The following XRN2 variants were observed in gnomAD, a reference collection of about 807,000 sequenced individuals.
The protein encoded by XRN2 is DHM1-like protein.
In XRN2, 44 loss-of-function variants were observed where a neutral mutation model predicts 138.5. The ratio of observed to expected loss-of-function variants is 0.32; its 90% CI spans 0.25 to 0.41. The LOEUF (loss-of-function observed/expected upper bound fraction) is 0.41. Among genes scored for constraint, XRN2 ranks in the 10% least tolerant of loss-of-function variants. The pLI is 1.00. For missense variants in XRN2, 937 were observed against 1,169.3 expected (o/e 0.80, Z 2.90); for synonymous variants, 354 against 369.4 (o/e 0.96, Z 0.48).
chr20:21,368,628 T>G, intron 27 of XRN2, 38 bp downstream of exon 27: 1 of 1,607,396 alleles, frequency 6.2e-7, no homozygotes, highest in Non-Finnish European at 8.5e-7. Flanking sequence ...CATTATAAAT[T>G]AAATATCACA....
intron 29 of XRN2, among the ~76,000 whole-genome samples, chr20:21,387,624 C>T (rs2038949540): frequency 6.6e-6 from 1 of 152,206 alleles, no homozygotes; most frequent in Admixed American, 6.5e-5. Context: ...GCATTTAAGA[C>T]TGAGGTCTAT....
At chr20:21,350,584 T>TGTTTCACA (rs1364048818) in intron 20 of XRN2, among the ~76,000 whole-genome samples, 2 of 151,118 alleles carry the variant, frequency 1.3e-5, no homozygotes, top group Non-Finnish European at 3.0e-5. Flanking sequence ...AACCAGCTGT[T>TGTTTCACA]GTTTCACACT....
intron 14 of XRN2, 138 bp from the exon 15 acceptor site, chr20:21,340,583 C>T (rs372564722): frequency 3.6e-5 from 31 of 849,912 alleles, no homozygotes; most frequent in East Asian, 2.1e-4. Context: ...GTAATATTAA[C>T]GAAGATCATT....
rs13039420 is a variant in XRN2, at chr20:21,361,284, G to A, written c.2255+3492G>A. 5.2e-3 allele frequency among the ~76,000 whole-genome samples: 785 copies of A among 152,162 alleles called. 6 individuals carry two copies. Among genetic ancestry groups the A allele is most frequent in the Non-Finnish European group, 9.4e-3 (639 of 68,012 alleles). On this transcript the variant is annotated intron_variant, in intron 24 of 29. Transcript: ENST00000377191. ...TTAAATTTTTATTTACTTTGCCCTT[G>A]ATGTGTTTATGAAGACAATCAAGCA... is the stretch of plus-strand genomic sequence containing the variant.
At position 21,348,415 on chromosome 20, in the gene XRN2, G is replaced by C. The variant is rs1330804260; in HGVS notation, c.1848G>C (p.Lys616Asn). 1.9e-6 allele frequency: 3 copies of C among 1,613,924 alleles called. No homozygotes were observed. The highest frequency in any genetic ancestry group is 1.3e-5 in the African/African-American group (1 of 74,910). ...ATTTTCTACCTCCATCATGGCGGAA[G>C]CTCATGAGTGATCCTGTGAGTCTCA... is the stretch of plus-strand genomic sequence containing the variant. Reference protein sequence around the residue: ...SGNFLPPSWRKLMSDPDSSII... With the variant: ...SGNFLPPSWRNLMSDPDSSII... The change falls in exon 19 of 30, where the codon AAG (lysine) becomes AAC (asparagine). Residue 616 changes from lysine (K) to asparagine (N), a missense_variant. Around this residue, in one of 6 missense-constraint regions of XRN2, gnomAD observed 372 missense variants for 414.4 expected, o/e 0.90. Transcript: ENST00000377191.
At chr20:21,343,044 A>G (rs2038391855) in intron 15 of XRN2, among the ~76,000 whole-genome samples, 1 of 152,096 alleles carries the variant, frequency 6.6e-6, no homozygotes, top group African/African-American at 2.4e-5. Context: ...TATTATTTTA[A>G]CTTTTCTTGA....
intron 28 of XRN2, 142 bp from the exon 29 acceptor site, chr20:21,386,726 G>T: frequency 1.0e-6 from 1 of 975,790 alleles, no homozygotes. Flanking sequence ...GGACACAAAG[G>T]CCATTCTGAT....
intron 1 of XRN2, among the ~76,000 whole-genome samples, chr20:21,315,524 C>G (rs1278830948): frequency 1.3e-5 from 2 of 152,132 alleles, no homozygotes; most frequent in Non-Finnish European, 2.9e-5. Flanking sequence ...CAGGGTTTCA[C>G]TCTTGTTACC....
intron 1 of XRN2, 91 bp from the exon 2 acceptor site, chr20:21,326,188 C>G: frequency 7.7e-7 from 1 of 1,306,622 alleles, no homozygotes; most frequent in South Asian, 1.5e-5. Flanking sequence ...ATTTCCAGTT[C>G]AGAAATGAAA....
Position 21,305,986 on chromosome 20 carries a change from C to G in XRN2, c.75+2513C>G, listed in dbSNP as rs903719671. Among the ~76,000 whole-genome samples the G allele has an allele frequency of 5.5e-5, 4 of 72,350 alleles. 2 individuals are homozygous for G. The Admixed American group carries it at 6.7e-4, about 12-fold the overall frequency. 47.5% of individuals were successfully genotyped at this position (72,350 alleles called of 152,430 possible). On this transcript the variant is annotated intron_variant, in intron 1 of 29. Transcript: ENST00000377191. Reference sequence around the variant, plus strand: ...AGGATGGTCTCGATCTCCTGACCTTCTGATCCGCCTGCCTTGGCCTCCTTA... The same window carrying G: ...AGGATGGTCTCGATCTCCTGACCTTGTGATCCGCCTGCCTTGGCCTCCTTA...
intron 28 of XRN2, among the ~76,000 whole-genome samples, chr20:21,385,641 A>G (rs980971924): frequency 3.3e-5 from 5 of 152,070 alleles, no homozygotes; most frequent in African/African-American, 1.2e-4. Flanking sequence ...TCATCACACA[A>G]AAATAATTAT....
Position 21,332,429 on chromosome 20 carries a change from A to G in XRN2, c.847A>G (p.Lys283Glu). 5 of 1,608,288 alleles carry G rather than the reference A, an allele frequency of 3.1e-6. No homozygotes were observed. ...AGATTGTGAAGGTTTGCCAAGAGAA[A>G]AGAAGGGAAAGGTAAGAACTTTGAG... The part of the protein sequence containing the change: ...VKDCEGLPRE[K>E]KGKHDELADS... Residue 283 changes from lysine to glutamate, a missense_variant, in exon 9 of 30, where the codon AAG becomes GAG. Lys to Glu is a moderately conservative substitution (Grantham distance 56, BLOSUM62 1). Around this residue, in one of 6 missense-constraint regions of XRN2, gnomAD observed 471 missense variants for 581.2 expected, o/e 0.81. Coordinates refer to ENST00000377191, the MANE Select transcript of XRN2 (RefSeq NM_012255.5).
At position 21,348,331 on chromosome 20, in the gene XRN2, C is replaced by CT. The variant is rs1568584235; in HGVS notation, c.1774-4dup. 1 of 1,611,330 alleles carries CT rather than the reference C, an allele frequency of 6.2e-7. No homozygotes were observed. The highest frequency in any genetic ancestry group is 1.1e-5 in the South Asian group (1 of 90,624). On this transcript the variant is annotated splice_polypyrimidine_tract_variant and intron_variant, in intron 18 of 29. Coordinates refer to ENST00000377191, the MANE Select transcript of XRN2 (RefSeq NM_012255.5). Reference sequence around the variant, plus strand: ...TAATCTTGGGTCTTTAATGTTTTTTCTTTTTTCAGTTTAAACCACTAGAAC... The same window carrying CT: ...TAATCTTGGGTCTTTAATGTTTTTTCTTTTTTTCAGTTTAAACCACTAGAAC...
intron 20 of XRN2, among the ~76,000 whole-genome samples, chr20:21,351,668 A>G (rs2038511799): frequency 1.3e-5 from 2 of 152,178 alleles, no homozygotes; most frequent in South Asian, 4.1e-4. Context: ...ACCAAATCCG[A>G]CATCATGAAT....
intron 1 of XRN2, among the ~76,000 whole-genome samples, chr20:21,325,961 C>G (rs1291363488): frequency 6.6e-6 from 1 of 152,100 alleles, no homozygotes; most frequent in Non-Finnish European, 1.5e-5. Flanking sequence ...TTTGACAGGA[C>G]TTACTGATGT....
intron 7 of XRN2, 32 bp from the exon 8 acceptor site, chr20:21,331,736 T>A: frequency 6.3e-7 from 1 of 1,593,110 alleles, no homozygotes; most frequent in Non-Finnish European, 8.5e-7. Flanking sequence ...ATATAATATA[T>A]TAATATAAAT....
intron 1 of XRN2, among the ~76,000 whole-genome samples, chr20:21,312,010 A>G (rs2037887857): frequency 6.6e-6 from 1 of 152,022 alleles, no homozygotes; most frequent in African/African-American, 2.4e-5. Context: ...ACAAAAAAAG[A>G]TTATTGATAT....
intron 1 of XRN2, among the ~76,000 whole-genome samples, chr20:21,321,301 CTGTGTGTGTGTGTGTGTGTGTGTG>C (rs61188840): frequency 3.3e-5 from 4 of 121,514 alleles, no homozygotes; most frequent in East Asian, 2.5e-4. Flanking sequence ...CTGTGCCTGG[CTGTGTGTGTGTGTGTGTGTGTGTG>C]TGTGTGTGTG....
intron 1 of XRN2, among the ~76,000 whole-genome samples, chr20:21,304,348 C>CTTTTTTTTTTTTTTTTTTTT (rs111498218): frequency 7.3e-6 from 1 of 137,016 alleles, no homozygotes; most frequent in Non-Finnish European, 1.6e-5. Flanking sequence ...CTTATTTCTG[C>CTTTTTTTTTTTTTTTTTTTT]TTTTTTTTTT....
Sources: gnomAD v4.1 joint callset for allele counts (sites outside exome capture counted in the v4.1 genomes callset) on GRCh38, gnomAD v4.1.1 for gene constraint, gnomAD v4.1.1 regional missense constraint, MANE v1.5 for transcripts, NCBI Gene and HGNC (gene_info 2026-07-23, HGNC 2026-07-21) for gene names.